CDK15: variants seen among roughly 807,000 people sequenced by gnomAD.
CDK15 encodes cyclin dependent kinase 15, also known as cyclin-dependent kinase 15.
A neutral mutation model predicts 60.3 loss-of-function variants in CDK15; 62 were observed. The ratio of observed to expected loss-of-function variants is 1.03; its 90% CI spans 0.84 to 1.27. The LOEUF is 1.27. Among genes scored for constraint, CDK15 ranks in the 50% most tolerant of loss-of-function variants. The pLI is 0.00. For synonymous variants in CDK15, 194 were observed against 195.7 expected (o/e 0.99, Z 0.07); for missense variants, 541 against 527.8 (o/e 1.03, Z -0.25).
chr2:201,873,790 C>T (rs933697341), intron 11 of CDK15, among the ~76,000 whole-genome samples: 41 of 152,210 alleles, frequency 2.7e-4, no homozygotes, highest in African/African-American at 9.2e-4. Context: ...CGGTGGCTTA[C>T]GCCTGTAATC....
intron 10 of CDK15, chr2:201,861,433 C>G: frequency 1.0e-6 from 1 of 985,300 alleles, no homozygotes; most frequent in Non-Finnish European, 1.2e-6. Flanking sequence ...TTGTATCCCT[C>G]TGTCTCATTT....
intron 6 of CDK15, among the ~76,000 whole-genome samples, chr2:201,833,079 A>G (rs551919727): frequency 8.5e-5 from 13 of 152,112 alleles, no homozygotes; most frequent in Non-Finnish European, 1.9e-4. Context: ...TCTGTGCCTC[A>G]TAACCACATG....
chr2:201,855,027 A>G, intron 10 of CDK15, 90 bp downstream of exon 10: 2 of 1,169,738 alleles, frequency 1.7e-6, no homozygotes, highest in Admixed American at 1.7e-5. Flanking sequence ...TGTATTGTGA[A>G]CTCAGCGGCA....
intron 8 of CDK15, among the ~76,000 whole-genome samples, chr2:201,837,321 G>GAA (rs1363328246): frequency 7.1e-6 from 1 of 140,092 alleles, no homozygotes; most frequent in African/African-American, 2.6e-5. Context: ...GAGAGAGAGA[G>GAA]AGAAAGAAAG....
chr2:201,890,715 CA>C, intron 12 of CDK15, 69 bp from the exon 13 acceptor site: 1 of 1,237,068 alleles, frequency 8.1e-7, no homozygotes, highest in Non-Finnish European at 1.1e-6. Flanking sequence ...AATATTACAA[CA>C]GACAAAAATA....
rs1399953246 is a variant in CDK15 at position 201,888,921 on chromosome 2, A to G, written c.1199-1864A>G. The stretch of plus-strand genomic sequence containing the variant: ...ACGCACTGTTTATTTTAGCCATTTA[A>G]CTGTCTATGCTATGACAAGATCTAA... On this transcript the variant is annotated intron_variant, in intron 12 of 13. Transcript: ENST00000652192. 5 of 993,468 alleles carry G rather than the reference A, an allele frequency of 5.0e-6. No homozygotes were observed. In the African/African-American group the frequency reaches 8.7e-5, roughly 17 times the overall value. The allele number at this position is 993,468 out of a possible 1,614,324, so 61.5% of individuals were successfully genotyped here. A position where few individuals can be genotyped will look rare whatever the true frequency, so the allele number is the denominator to read the frequency against.
chr2:201,841,410 C>A (rs1273547640), intron 8 of CDK15, among the ~76,000 whole-genome samples: 1 of 152,182 alleles, frequency 6.6e-6, no homozygotes. Context: ...GAACAATATG[C>A]ATCTTCCATT....
intron 7 of CDK15, among the ~76,000 whole-genome samples, 195 bp downstream of exon 7, chr2:201,834,166 C>G (rs1696905149): frequency 6.6e-6 from 1 of 152,178 alleles, no homozygotes; most frequent in Admixed American, 6.5e-5. Flanking sequence ...AGGATTCCAC[C>G]AAGTCCCAGT....
At chr2:201,835,897 T>A (rs1486769064) in intron 8 of CDK15, 134 bp downstream of exon 8, 6 of 222,794 alleles carry the variant, frequency 2.7e-5, no homozygotes, top group South Asian at 1.6e-4. Context: ...TTTATATATT[T>A]TATATATATT....
In CDK15 at chr2:201,847,422, C is replaced by T; in HGVS notation, c.893C>T (p.Pro298Leu). Residue 298 changes from proline to leucine, a missense_variant, in exon 9 of 14, where the codon CCT (proline) becomes CTT (leucine). Physicochemically the swap from Pro to Leu is moderately conservative, Grantham distance 98 (BLOSUM62 -3). Coordinates refer to ENST00000652192, the MANE Select transcript of CDK15 (RefSeq NM_001366386.2). ...CIFIEMFQGQ[P>L]LFPGVSNILE... ...TTTATTGAAATGTTCCAGGGTCAAC[C>T]TTTGTTTCCTGGGGTTTCCAACATC... The T allele has an allele frequency of 6.2e-7, 1 of 1,614,030 alleles. No homozygotes were observed. Among genetic ancestry groups the T allele is most frequent in the South Asian group, 1.1e-5 (1 of 91,046 alleles).
chr2:201,824,760 G>T, intron 6 of CDK15: 1 of 702,880 alleles, frequency 1.4e-6, no homozygotes, highest in Non-Finnish European at 2.0e-6. Context: ...TCCTTCAAGA[G>T]CTTCAGCGCC....
intron 6 of CDK15, among the ~76,000 whole-genome samples, chr2:201,824,364 GTATTCATT>G (rs1696368875): frequency 6.6e-6 from 1 of 151,998 alleles, no homozygotes; most frequent in African/African-American, 2.4e-5. Context: ...ATTTATTTAT[GTATTCATT>G]TATTCATTAA....
intron 8 of CDK15, among the ~76,000 whole-genome samples, chr2:201,845,589 TAAA>T (rs35345906): frequency 4.9e-5 from 5 of 101,448 alleles, no homozygotes; most frequent in Admixed American, 2.2e-4. Context: ...CCATCTGTAT[TAAA>T]AAAAAAAAAA....
chr2:201,836,208 T>C (rs1325724000), intron 8 of CDK15, among the ~76,000 whole-genome samples: 1 of 134,082 alleles, frequency 7.5e-6, no homozygotes, highest in Admixed American at 8.8e-5. Context: ...TATATATATG[T>C]ATTTTTTTTT....
chr2:201,861,567 T>TC, intron 10 of CDK15: 2 of 664,104 alleles, frequency 3.0e-6, no homozygotes, highest in Non-Finnish European at 3.7e-6. Context: ...TTTTTTTTCT[T>TC]TTTTTTTTTT....
chr2:201,840,219 A>G (rs144491928), intron 8 of CDK15, among the ~76,000 whole-genome samples: 41 of 152,272 alleles, frequency 2.7e-4, no homozygotes, highest in Admixed American at 1.2e-3. Flanking sequence ...TTTAGATGTC[A>G]GGTGATCAGC....
intron 10 of CDK15, among the ~76,000 whole-genome samples, chr2:201,866,195 A>C (rs1167013536): frequency 6.6e-6 from 1 of 152,142 alleles, no homozygotes; most frequent in African/African-American, 2.4e-5. Context: ...CATTGTATTC[A>C]GGAAATTCCA....
chr2:201,835,809 TTG>T, intron 8 of CDK15, 46 bp downstream of exon 8: 1 of 1,404,118 alleles, frequency 7.1e-7, no homozygotes. Context: ...CTCACGAGGG[TTG>T]CTTTATCATC....
In CDK15 at chr2:201,844,011, GGGAGAAAAGAAAGTGAATTACA is replaced by G. The variant is rs546943510; in HGVS notation, c.852-3367_852-3346del. Among the ~76,000 whole-genome samples the G allele has an allele frequency of 8.5e-5, 13 of 152,192 alleles. No homozygotes were observed. In the South Asian group the frequency reaches 2.7e-3, roughly 32 times the overall value. Reference sequence around the variant, plus strand: ...TTCCAGGCAATGGAAGGCTTTTTGGGGGAGAAAAGAAAGTGAATTACAGGTTTAAACCTAGGAATGTCATTTT... The same window carrying G: ...TTCCAGGCAATGGAAGGCTTTTTGGGGGTTTAAACCTAGGAATGTCATTTT... On this transcript the variant is annotated intron_variant, in intron 8 of 13. Transcript: ENST00000652192.
Sources: gnomAD v4.1 joint callset for allele counts (sites outside exome capture counted in the v4.1 genomes callset) on GRCh38, gnomAD v4.1.1 for gene constraint, MANE v1.5 for transcripts, NCBI Gene and HGNC (gene_info 2026-07-23, HGNC 2026-07-21) for gene names.